The following PAK5 variants were observed in gnomAD, a reference collection of about 807,000 sequenced individuals.
PAK5 encodes serine/threonine-protein kinase PAK 5.
In PAK5, 16 loss-of-function variants were observed where a neutral mutation model predicts 65.9. The ratio of observed to expected loss-of-function variants is 0.24; its 90% confidence interval spans 0.16 to 0.37. PAK5 has a LOEUF of 0.37. Ranked by LOEUF, PAK5 falls within the 10% of genes least tolerant of loss-of-function variation. The probability of loss-of-function intolerance (pLI) is 1.00; values close to 1 mark genes in which losing one functional copy is unlikely to be tolerated. For synonymous variants in PAK5, 371 were observed against 354.9 expected (o/e 1.05, Z -0.51); for missense variants, 785 against 903.9 (o/e 0.87, Z 1.69).
chr20:9,565,848 A>C (rs923659867), intron 5 of PAK5, 45 bp downstream of exon 5: 1 of 1,549,126 alleles, frequency 6.5e-7, no homozygotes, highest in African/African-American at 1.4e-5. Context: ...AATGGGAAAT[A>C]AATGTTACAA....
chr20:9,632,392 G>A (rs1469673255), intron 3 of PAK5, among the ~76,000 whole-genome samples: 1 of 152,140 alleles, frequency 6.6e-6, no homozygotes, highest in East Asian at 1.9e-4. Flanking sequence ...ACGTTTGAAA[G>A]CTCACTCATT....
chr20:9,769,653 C>A (rs1206415511), intron 1 of PAK5, among the ~76,000 whole-genome samples: 1 of 152,198 alleles, frequency 6.6e-6, no homozygotes, highest in African/African-American at 2.4e-5. Flanking sequence ...GTTAGACAGA[C>A]TTAATATACC....
chr20:9,588,985 GA>G (rs2046118803), intron 3 of PAK5, among the ~76,000 whole-genome samples: 1 of 152,048 alleles, frequency 6.6e-6, no homozygotes, highest in Admixed American at 6.6e-5. Flanking sequence ...CTTGTTCCCC[GA>G]AAAGAGATGA....
At chr20:9,837,911 G>A (rs554792303) in intron 1 of PAK5, among the ~76,000 whole-genome samples, 1 of 152,204 alleles carries the variant, frequency 6.6e-6, no homozygotes, top group South Asian at 2.1e-4. Context: ...AGCGTTTCAG[G>A]TTCCCTTAAT....
chr20:9,785,086 GT>G (rs2048979117), intron 1 of PAK5, among the ~76,000 whole-genome samples: 3 of 151,362 alleles, frequency 2.0e-5, no homozygotes, highest in Admixed American at 1.3e-4. Flanking sequence ...GTTTTAACTT[GT>G]ATCAAGTTAA....
intron 4 of PAK5, among the ~76,000 whole-genome samples, chr20:9,574,919 C>A (rs1307039191): frequency 1.3e-5 from 2 of 152,096 alleles, no homozygotes; most frequent in African/African-American, 4.8e-5. Flanking sequence ...CCCATTAAAC[C>A]CTGAATGGAT....
intron 1 of PAK5, among the ~76,000 whole-genome samples, chr20:9,757,934 A>T (rs2048654371): frequency 6.6e-6 from 1 of 152,202 alleles, no homozygotes; most frequent in South Asian, 2.1e-4. Flanking sequence ...TCACAGTGAC[A>T]AGAACAATCA....
chr20:9,769,027 C>G (rs112091519), intron 1 of PAK5, among the ~76,000 whole-genome samples: 22 of 152,194 alleles, frequency 1.4e-4, no homozygotes, highest in African/African-American at 5.1e-4. Context: ...ACTATGCCTC[C>G]CTAACTGTAT....
chr20:9,575,159 C>T (rs897081283), intron 4 of PAK5, among the ~76,000 whole-genome samples: 2 of 151,962 alleles, frequency 1.3e-5, no homozygotes, highest in South Asian at 2.1e-4. Flanking sequence ...AAGGAAGTGC[C>T]GGGAAATCAC....
intron 1 of PAK5, among the ~76,000 whole-genome samples, chr20:9,826,879 T>C (rs6056909): frequency 0.32 from 48,032 of 152,036 alleles, 8,004 homozygotes; most frequent in Admixed American, 0.39. Flanking sequence ...CAGTAGGTGT[T>C]AAGCTGCATC....
intron 2 of PAK5, among the ~76,000 whole-genome samples, chr20:9,657,765 G>A (rs956254335): frequency 4.6e-5 from 7 of 152,112 alleles, no homozygotes; most frequent in East Asian, 1.9e-4. Flanking sequence ...CAGGTCTTGC[G>A]AACTTGAAAC....
At chr20:9,544,231 C>G (rs2045309297) in intron 8 of PAK5, 138 bp downstream of exon 8, 1 of 909,116 alleles carries the variant, frequency 1.1e-6, no homozygotes, top group Admixed American at 2.2e-5. Flanking sequence ...CTACTCTGTG[C>G]CTCATCTAGT....
At chr20:9,830,030 T>C (rs1159235327) in intron 1 of PAK5, among the ~76,000 whole-genome samples, 1 of 152,052 alleles carries the variant, frequency 6.6e-6, no homozygotes, top group Non-Finnish European at 1.5e-5. Context: ...CCATGAGCAG[T>C]GAATTCCAAG....
intron 1 of PAK5, among the ~76,000 whole-genome samples, chr20:9,783,362 C>T (rs930179253): frequency 1.3e-5 from 2 of 152,170 alleles, no homozygotes; most frequent in African/African-American, 4.8e-5. Context: ...ATCAATCAAT[C>T]AAGAGAATCA....
At chr20:9,773,898 C>T (rs908472274) in intron 1 of PAK5, among the ~76,000 whole-genome samples, 2 of 152,300 alleles carry the variant, frequency 1.3e-5, no homozygotes, top group Admixed American at 6.5e-5. Context: ...CAGTCTGAGT[C>T]CTGAGTTCAT....
At chr20:9,558,043 T>TATTTATTTATTTATTTATTCATTCATTC (rs55861453) in intron 6 of PAK5, among the ~76,000 whole-genome samples, 15 of 138,864 alleles carry the variant, frequency 1.1e-4, no homozygotes, top group African/African-American at 4.4e-4. Context: ...TTTATTTATT[T>TATTTATTTATTTATTTATTCATTCATTC]ATTCATTCAT....
chr20:9,717,415 C>T (rs928651557), intron 1 of PAK5, among the ~76,000 whole-genome samples: 1 of 152,066 alleles, frequency 6.6e-6, no homozygotes, highest in Non-Finnish European at 1.5e-5. Context: ...AAAAAATTAG[C>T]GTGCATTTTT....
chr20:9,581,165 A>G lies in PAK5; in HGVS notation c.205-235T>C, dbSNP rs550237226. Among the ~76,000 whole-genome samples the G allele has an allele frequency of 4.5e-4, 69 of 152,316 alleles. No individual in the cohort carries two copies. In the Middle Eastern group the frequency reaches 0.01, roughly 23 times the overall value. On this transcript the variant is annotated intron_variant, in intron 3 of 9. Coordinates refer to ENST00000353224, the MANE Select transcript of PAK5 (RefSeq NM_177990.4). ...TTACCTATCTCAACAGAGACATCAAATAACCATCAAAAAGCCATGTAGGAG... is the reference window on the plus strand; with the variant it reads ...TTACCTATCTCAACAGAGACATCAAGTAACCATCAAAAAGCCATGTAGGAG...
intron 2 of PAK5, among the ~76,000 whole-genome samples, chr20:9,692,031 C>G (rs2047804511): frequency 6.6e-6 from 1 of 152,168 alleles, no homozygotes; most frequent in South Asian, 2.1e-4. Context: ...AGAAATCACT[C>G]AACCTGCCCA....
Sources: gnomAD v4.1 joint callset for allele counts (sites outside exome capture counted in the v4.1 genomes callset) on GRCh38, gnomAD v4.1.1 for gene constraint, MANE v1.5 for transcripts, NCBI Gene and HGNC (gene_info 2026-07-23, HGNC 2026-07-21) for gene names.